Variants in RBFOX2 observed in about 807,000 individuals in gnomAD.
RBFOX2 encodes RNA binding protein fox-1 homolog 2.
A neutral mutation model predicts 49.1 loss-of-function variants in RBFOX2; 10 were observed. The ratio of observed to expected loss-of-function variants is 0.20; its 90% confidence interval spans 0.13 to 0.35. RBFOX2 has a LOEUF of 0.35. Ranked by LOEUF, RBFOX2 falls within the 10% of genes least tolerant of loss-of-function variation. The pLI, the probability that RBFOX2 is intolerant of heterozygous loss-of-function variation, is 1.00. For synonymous variants in RBFOX2, 183 were observed against 187.4 expected (o/e 0.98, Z 0.19); for missense variants, 323 against 486.9 (o/e 0.66, Z 3.17).
chr22:35,811,626 C>T (rs547625426), intron 1 of RBFOX2, among the ~76,000 whole-genome samples: 1 of 152,212 alleles, frequency 6.6e-6, no homozygotes, highest in Non-Finnish European at 1.5e-5. Flanking sequence ...GATTCTGTAA[C>T]AGAAATTAAT....
intron 2 of RBFOX2, among the ~76,000 whole-genome samples, chr22:35,785,895 G>A (rs1387050667): frequency 6.6e-6 from 1 of 152,174 alleles, no homozygotes. Flanking sequence ...AAACCAACAC[G>A]CAGTCAAAGC....
intron 2 of RBFOX2, among the ~76,000 whole-genome samples, chr22:35,807,263 G>C (rs184485975): frequency 1.8e-3 from 275 of 152,060 alleles, no homozygotes; most frequent in Non-Finnish European, 2.5e-3. Context: ...TTAACTATAA[G>C]CCAAGAAATA....
rs544886461 is a variant in RBFOX2, at chr22:35,988,961, G to A, written c.186+39279C>T. ...TCCCAGCATCTTGGGAGACCGAGGCGGGCAGATCACCTGACGTTATGAGTT... is the reference window on the plus strand; with the variant it reads ...TCCCAGCATCTTGGGAGACCGAGGCAGGCAGATCACCTGACGTTATGAGTT... On this transcript the variant is annotated intron_variant, in intron 1 of 13. Transcript: ENST00000438146. Among the ~76,000 whole-genome samples, 6 of 152,320 alleles carry A rather than the reference G, an allele frequency of 3.9e-5. No homozygotes were observed. The East Asian group carries it at 9.6e-4, about 24-fold the overall frequency.
chr22:35,987,311 A>G (rs185397271), intron 1 of RBFOX2, among the ~76,000 whole-genome samples: 1 of 152,320 alleles, frequency 6.6e-6, no homozygotes, highest in East Asian at 1.9e-4. Context: ...AATTCCTTCT[A>G]AAAACAGTGA....
intron 1 of RBFOX2, among the ~76,000 whole-genome samples, chr22:35,928,320 C>G (rs1382689003): frequency 6.6e-6 from 1 of 152,136 alleles, no homozygotes; most frequent in Non-Finnish European, 1.5e-5. Flanking sequence ...ATAGAAGCTA[C>G]AGTTTAAAAA....
intron 1 of RBFOX2, among the ~76,000 whole-genome samples, chr22:35,865,839 AT>A (rs1284216749): frequency 1.3e-5 from 2 of 152,222 alleles, no homozygotes; most frequent in African/African-American, 4.8e-5. Context: ...AGAGTTTCAG[AT>A]AAAGGACTGT....
chr22:35,922,068 T>C (rs746164697), intron 1 of RBFOX2, among the ~76,000 whole-genome samples: 1 of 152,208 alleles, frequency 6.6e-6, no homozygotes, highest in Non-Finnish European at 1.5e-5. Flanking sequence ...CCAGCTTTCC[T>C]AAGTCCCCTT....
intron 1 of RBFOX2, among the ~76,000 whole-genome samples, chr22:35,813,102 CA>C (rs980013539): frequency 4.6e-5 from 7 of 152,232 alleles, no homozygotes; most frequent in African/African-American, 1.7e-4. Context: ...TTGTTACTTA[CA>C]GAAATTTCTT....
intron 1 of RBFOX2, chr22:35,897,968 C>T: frequency 2.6e-6 from 2 of 773,134 alleles, no homozygotes; most frequent in Non-Finnish European, 4.6e-6. Flanking sequence ...GGAATCTTCA[C>T]AAAAACATCC....
intron 1 of RBFOX2, among the ~76,000 whole-genome samples, chr22:36,013,626 A>AACACAC (rs547422068): frequency 6.8e-6 from 1 of 146,076 alleles, no homozygotes; most frequent in Non-Finnish European, 1.5e-5. Flanking sequence ...GCATCACACA[A>AACACAC]ACACACACAC....
intron 1 of RBFOX2, among the ~76,000 whole-genome samples, chr22:35,865,683 A>G (rs2043596053): frequency 6.6e-6 from 1 of 152,194 alleles, no homozygotes; most frequent in Admixed American, 6.5e-5. Flanking sequence ...GAATATTCAA[A>G]AACATTTAGC....
chr22:35,923,353 T>G (rs918041134), intron 1 of RBFOX2, among the ~76,000 whole-genome samples: 3 of 149,994 alleles, frequency 2.0e-5, no homozygotes, highest in Non-Finnish European at 4.5e-5. Context: ...TTTTTCTTTT[T>G]CCTTTTATTT....
intron 1 of RBFOX2, among the ~76,000 whole-genome samples, chr22:36,023,181 C>A (rs1216178501): frequency 6.6e-6 from 1 of 152,072 alleles, no homozygotes; most frequent in African/African-American, 2.4e-5. Flanking sequence ...AGGAAATAAG[C>A]CCATAAATAA....
At chr22:35,898,513 C>T (rs747383229) in intron 1 of RBFOX2, 16 of 281,436 alleles carry the variant, frequency 5.7e-5, no homozygotes, top group African/African-American at 1.4e-4. Context: ...GCAACCTCTG[C>T]CTCCCAGGCT....
intron 1 of RBFOX2, among the ~76,000 whole-genome samples, chr22:35,936,629 T>C (rs933171178): frequency 1.3e-5 from 2 of 152,158 alleles, no homozygotes; most frequent in Non-Finnish European, 2.9e-5. Flanking sequence ...CATCAGAATG[T>C]GCCTCAAAGT....
At chr22:36,017,524 G>A (rs541587056) in intron 1 of RBFOX2, among the ~76,000 whole-genome samples, 8 of 151,694 alleles carry the variant, frequency 5.3e-5, no homozygotes, top group African/African-American at 1.7e-4. Flanking sequence ...GCAAAAACTC[G>A]GTCTCAAAAA....
chr22:35,897,985 T>C, intron 1 of RBFOX2: 1 of 763,890 alleles, frequency 1.3e-6, no homozygotes, highest in Non-Finnish European at 2.3e-6. Context: ...ATCCTCAAAA[T>C]CAAAGTTTTT....
intron 1 of RBFOX2, among the ~76,000 whole-genome samples, chr22:35,875,545 A>G (rs1472960052): frequency 6.6e-6 from 1 of 151,866 alleles, no homozygotes; most frequent in Non-Finnish European, 1.5e-5. Flanking sequence ...CAAAAGTAAC[A>G]TATCCTTTAC....
chr22:35,760,595 G>T (rs1938454621), intron 8 of RBFOX2, among the ~76,000 whole-genome samples: 2 of 152,224 alleles, frequency 1.3e-5, no homozygotes, highest in East Asian at 3.9e-4. Context: ...CAAATGTAAG[G>T]TGAGGGAAAC....
Sources: gnomAD v4.1 joint callset for allele counts (sites outside exome capture counted in the v4.1 genomes callset) on GRCh38, gnomAD v4.1.1 for gene constraint, MANE v1.5 for transcripts, NCBI Gene and HGNC (gene_info 2026-07-23, HGNC 2026-07-21) for gene names.